The following DLGAP2 variants were observed in gnomAD, a reference collection of about 807,000 sequenced individuals.
DLGAP2 encodes DLG associated protein 2.
In DLGAP2, 26 loss-of-function variants were observed where a neutral mutation model predicts 100.3. The ratio of observed to expected loss-of-function variants is 0.26; its 90% CI spans 0.19 to 0.36. The LOEUF (loss-of-function observed/expected upper bound fraction) is 0.36. DLGAP2 is among the 10% of genes least tolerant of loss of function. The pLI is 1.00. For missense variants in DLGAP2, 1,858 were observed against 1,453.2 expected (o/e 1.28, Z -4.53); for synonymous variants, 886 against 630.1 (o/e 1.41, Z -6.08).
chr8:994,194 G>GTGTTT (rs779292746), intron 2 of DLGAP2, among the ~76,000 whole-genome samples: 3 of 152,024 alleles, frequency 2.0e-5, no homozygotes, highest in Non-Finnish European at 4.4e-5. Flanking sequence ...CATCCTTATG[G>GTGTTT]TGTTTTGTTT....
In DLGAP2 at chr8:1,205,167, T is replaced by C. The variant is rs573047596; in HGVS notation, c.74-53684T>C. On this transcript the variant is annotated intron_variant, in intron 2 of 14. Transcript: ENST00000637795. ...TCCTGGAAAGGTCCATCGCGTTTTT[T>C]CCTCTCCTAAGAGAAAACCAGTTTT... Among the ~76,000 whole-genome samples the C allele has an allele frequency of 2.0e-5, 3 of 152,332 alleles. No homozygotes were observed. The South Asian group carries it at 6.2e-4, about 32-fold the overall frequency.
intron 1 of DLGAP2, among the ~76,000 whole-genome samples, chr8:861,123 G>T (rs1797381561): frequency 1.3e-5 from 2 of 152,088 alleles, no homozygotes; most frequent in African/African-American, 4.8e-5. Context: ...GGTGGTGCAG[G>T]GCTCAATCTG....
intron 3 of DLGAP2, among the ~76,000 whole-genome samples, chr8:1,290,774 T>C (rs183854303): frequency 1.3e-5 from 2 of 152,374 alleles, no homozygotes; most frequent in Non-Finnish European, 2.9e-5. Flanking sequence ...ACAAAGCTTA[T>C]GCTCAGGCCT....
At chr8:1,203,525 G>T (rs543839891) in intron 2 of DLGAP2, among the ~76,000 whole-genome samples, 1 of 152,166 alleles carries the variant, frequency 6.6e-6, no homozygotes. Context: ...CCTTCTCAGC[G>T]ATCTCTGTGG....
At chr8:1,011,947 G>C (rs1208302331) in intron 2 of DLGAP2, among the ~76,000 whole-genome samples, 1 of 152,226 alleles carries the variant, frequency 6.6e-6, no homozygotes, top group African/African-American at 2.4e-5. Context: ...ACCTGGGCGT[G>C]TAGACGGATG....
At chr8:782,058 A>C (rs1189614685) in intron 1 of DLGAP2, among the ~76,000 whole-genome samples, 1 of 152,146 alleles carries the variant, frequency 6.6e-6, no homozygotes, top group East Asian at 1.9e-4. Context: ...ATTTCAAAAT[A>C]CCTGGAAGAG....
At chr8:1,528,245 G>A (rs1279418821) in intron 4 of DLGAP2, among the ~76,000 whole-genome samples, 2 of 152,198 alleles carry the variant, frequency 1.3e-5, no homozygotes, top group Non-Finnish European at 2.9e-5. Context: ...CACTGGCCAG[G>A]TCTAGGCCCA....
chr8:798,370 C>T (rs1284289471), intron 1 of DLGAP2, among the ~76,000 whole-genome samples: 1 of 147,270 alleles, frequency 6.8e-6, no homozygotes, highest in East Asian at 2.1e-4. Context: ...AGCCCCGTGC[C>T]CCGGTGCTGG....
chr8:1,672,846 C>G (rs1798724911), intron 10 of DLGAP2, among the ~76,000 whole-genome samples: 1 of 152,212 alleles, frequency 6.6e-6, no homozygotes, highest in East Asian at 1.9e-4. Flanking sequence ...GGGCACCTGC[C>G]CTGCTATGTG....
intron 3 of DLGAP2, among the ~76,000 whole-genome samples, chr8:1,362,377 T>G (rs980036719): frequency 1.3e-5 from 2 of 151,870 alleles, no homozygotes; most frequent in Non-Finnish European, 2.9e-5. Flanking sequence ...CTTCTTGATC[T>G]TCCATCTTCC....
intron 1 of DLGAP2, among the ~76,000 whole-genome samples, chr8:898,875 G>A (rs1334901133): frequency 2.0e-5 from 3 of 152,212 alleles, no homozygotes; most frequent in Non-Finnish European, 4.4e-5. Context: ...GTTCACTGGA[G>A]GGTGAGCCCT....
At chr8:1,271,295 G>C (rs1418200892) in intron 3 of DLGAP2, among the ~76,000 whole-genome samples, 1 of 152,296 alleles carries the variant, frequency 6.6e-6, no homozygotes, top group East Asian at 1.9e-4. Context: ...CATGGCATCT[G>C]GACTCCTCAG....
intron 2 of DLGAP2, among the ~76,000 whole-genome samples, chr8:1,127,453 C>T (rs917514766): frequency 3.3e-5 from 5 of 152,026 alleles, no homozygotes; most frequent in East Asian, 3.9e-4. Flanking sequence ...GAGGCCCCTT[C>T]GTGGCCACGT....
chr8:1,685,511 AC>A (rs1165973846), intron 12 of DLGAP2, among the ~76,000 whole-genome samples: 2 of 152,314 alleles, frequency 1.3e-5, no homozygotes, highest in African/African-American at 4.8e-5. Flanking sequence ...AAGAGAATCA[AC>A]CCACTGACCA....
chr8:1,587,596 A>T (rs6420195), intron 6 of DLGAP2, among the ~76,000 whole-genome samples: 118,655 of 152,140 alleles, frequency 0.78, 46,464 homozygotes, highest in East Asian at 0.92. Flanking sequence ...AGTCACTGTT[A>T]TCTAAATACT....
At chr8:746,352 C>T (rs1464442257) in intron 1 of DLGAP2, among the ~76,000 whole-genome samples, 1 of 152,238 alleles carries the variant, frequency 6.6e-6, no homozygotes, top group African/African-American at 2.4e-5. Flanking sequence ...CCTGTGAGGT[C>T]AGTGCTGGCA....
chr8:740,530 T>C (rs1477160082), intron 1 of DLGAP2, among the ~76,000 whole-genome samples: 1 of 152,224 alleles, frequency 6.6e-6, no homozygotes, highest in Non-Finnish European at 1.5e-5. Context: ...CTTATTTCAG[T>C]TTTGAAATTG....
chr8:916,680 T>C (rs1798601125), intron 2 of DLGAP2, among the ~76,000 whole-genome samples: 1 of 151,986 alleles, frequency 6.6e-6, no homozygotes. Flanking sequence ...GAAAATAAAT[T>C]TAAAAAAAAG....
At chr8:865,323 C>G (rs1012668492) in intron 1 of DLGAP2, among the ~76,000 whole-genome samples, 1 of 152,202 alleles carries the variant, frequency 6.6e-6, no homozygotes. Context: ...AAACGCTGAG[C>G]TCATGCCACA....
Sources: allele counts gnomAD v4.1 joint callset (sites outside exome capture counted in the v4.1 genomes callset), GRCh38; gene constraint gnomAD v4.1.1; transcripts MANE v1.5; gene names NCBI Gene and HGNC (gene_info 2026-07-23, HGNC 2026-07-21).